Variants in DOK6 observed in about 807,000 individuals in gnomAD.
DOK6 encodes the protein docking protein 6.
Under a neutral mutation model 44.0 loss-of-function variants are expected in DOK6, and 22 were observed. That is an observed-to-expected ratio of 0.50 (90% confidence interval 0.36 to 0.71). The LOEUF (loss-of-function observed/expected upper bound fraction) is 0.71, where lower values mean the gene tolerates loss of function less well. DOK6 is among the 30% of genes least tolerant of loss of function. DOK6 has a pLI of 0.00. For missense variants in DOK6, 340 were observed against 416.4 expected (o/e 0.82, Z 1.60); for synonymous variants, 166 against 145.5 (o/e 1.14, Z -1.01).
At chr18:69,464,596 G>A (rs1979875724) in intron 1 of DOK6, among the ~76,000 whole-genome samples, 1 of 152,200 alleles carries the variant, frequency 6.6e-6, no homozygotes, top group Non-Finnish European at 1.5e-5. Flanking sequence ...CAAAATTAAT[G>A]AGGGAAAATA....
At chr18:69,646,644 C>A (rs1283955480) in intron 3 of DOK6, among the ~76,000 whole-genome samples, 1 of 152,100 alleles carries the variant, frequency 6.6e-6, no homozygotes. Context: ...AATTTTAATT[C>A]TGTTTACTTG....
chr18:69,673,224 C>CTG (rs1256045588), intron 3 of DOK6, among the ~76,000 whole-genome samples: 6 of 119,150 alleles, frequency 5.0e-5, no homozygotes, highest in Admixed American at 8.3e-5. Flanking sequence ...AGCATATTTT[C>CTG]TGTGTGTATA....
At chr18:69,659,298 C>T (rs1436203106) in intron 3 of DOK6, among the ~76,000 whole-genome samples, 1 of 152,212 alleles carries the variant, frequency 6.6e-6, no homozygotes, top group Non-Finnish European at 1.5e-5. Context: ...CTGCTGTGCA[C>T]GTCTACGTGT....
intron 2 of DOK6, among the ~76,000 whole-genome samples, chr18:69,599,028 A>G (rs568091172): frequency 9.9e-5 from 15 of 152,266 alleles, no homozygotes; most frequent in African/African-American, 3.6e-4. Flanking sequence ...GAGAGGAGAT[A>G]TTAAATACAA....
chr18:69,771,805 G>T (rs1187493187), intron 7 of DOK6, among the ~76,000 whole-genome samples: 1 of 151,430 alleles, frequency 6.6e-6, no homozygotes, highest in Non-Finnish European at 1.5e-5. Context: ...AAAGAAATTA[G>T]GTATTTTCCA....
chr18:69,594,464 CAG>C (rs1208787970), intron 2 of DOK6, among the ~76,000 whole-genome samples: 2 of 150,822 alleles, frequency 1.3e-5, no homozygotes, highest in Non-Finnish European at 1.5e-5. Context: ...ATATAAATAA[CAG>C]ATATATTAAA....
intron 7 of DOK6, among the ~76,000 whole-genome samples, chr18:69,800,495 A>C (rs1980872980): frequency 6.6e-6 from 1 of 152,196 alleles, no homozygotes; most frequent in Non-Finnish European, 1.5e-5. Context: ...TGTGTAATAC[A>C]ATTGCTTTAA....
At chr18:69,509,500 T>C (rs759610861) in intron 1 of DOK6, among the ~76,000 whole-genome samples, 108 of 151,214 alleles carry the variant, frequency 7.1e-4, no homozygotes, top group Non-Finnish European at 1.2e-3. Flanking sequence ...TAGCCGGGCG[T>C]GGTGGCGGGC....
chr18:69,625,188 G>A (rs1984530117), intron 3 of DOK6, among the ~76,000 whole-genome samples: 1 of 152,136 alleles, frequency 6.6e-6, no homozygotes, highest in African/African-American at 2.4e-5. Flanking sequence ...TAAGAATGCT[G>A]TAAACTCTTT....
intron 1 of DOK6, among the ~76,000 whole-genome samples, chr18:69,404,208 G>C (rs373344953): frequency 3.8e-4 from 58 of 152,228 alleles, no homozygotes; most frequent in Middle Eastern, 3.4e-3. Flanking sequence ...TTTTGAATGA[G>C]GGCAGTAAGG....
intron 1 of DOK6, among the ~76,000 whole-genome samples, chr18:69,558,799 C>T (rs986313583): frequency 2.6e-5 from 4 of 151,926 alleles, no homozygotes; most frequent in Non-Finnish European, 5.9e-5. Context: ...CAGAACAGGA[C>T]GAGAAAAATC....
chr18:69,780,553 C>T (rs1027302691), intron 7 of DOK6, among the ~76,000 whole-genome samples: 3 of 152,190 alleles, frequency 2.0e-5, no homozygotes, highest in African/African-American at 7.2e-5. Context: ...GATTGTGCCA[C>T]TGCACTCCAG....
intron 1 of DOK6, among the ~76,000 whole-genome samples, chr18:69,442,886 A>T (rs1289482406): frequency 6.6e-6 from 1 of 152,148 alleles, no homozygotes; most frequent in Non-Finnish European, 1.5e-5. Flanking sequence ...GGTGCATAAG[A>T]TTAGGGATCA....
Position 69,549,024 on chromosome 18 carries a change from T to A in DOK6, c.67-15463T>A, listed in dbSNP as rs570126188. Among the ~76,000 whole-genome samples, 1,051 of 148,354 alleles carry A rather than the reference T, an allele frequency of 7.1e-3. 45 individuals carry two copies. Among genetic ancestry groups the A allele is most frequent in the South Asian group, 0.018 (83 of 4,608 alleles). On this transcript the variant is annotated intron_variant, in intron 1 of 7. Transcript: ENST00000382713. ...GCAGGAGAATGGCGTGAACCCCGGG[T>A]GACGGAGCCTGCAGTGAGCCAAGAT...
intron 1 of DOK6, among the ~76,000 whole-genome samples, chr18:69,430,098 G>A (rs540451623): frequency 3.1e-4 from 47 of 152,210 alleles, no homozygotes; most frequent in African/African-American, 9.9e-4. Context: ...CTTTTAATCT[G>A]TAGAGGGACA....
chr18:69,631,893 A>G (rs1269929926), intron 3 of DOK6, among the ~76,000 whole-genome samples: 3 of 152,136 alleles, frequency 2.0e-5, no homozygotes, highest in Admixed American at 6.6e-5. Context: ...TTCATCTCCA[A>G]TTCTTTTTAT....
At chr18:69,814,859 G>A (rs145737673) in intron 7 of DOK6, among the ~76,000 whole-genome samples, 5,672 of 152,164 alleles carry the variant, frequency 0.037, 313 homozygotes, top group African/African-American at 0.12. Context: ...AATTCAAGAT[G>A]AGATTTGGGT....
rs748399550 is a variant in DOK6, at chr18:69,847,104, C to T, written c.*5721C>T. The T allele has an allele frequency of 2.2e-4, 33 of 151,822 alleles. No individual in the cohort carries two copies. Among genetic ancestry groups the T allele is most frequent in the Admixed American group, 7.9e-4 (12 of 15,246 alleles). 9.4% of individuals were successfully genotyped at this position (151,822 alleles called of 1,614,324 possible). ...AAATACATTTGTAGTAGAAATATTC[C>T]CTCTAACAATTCTGTTTAACTAGTA... On this transcript the variant is annotated 3_prime_UTR_variant, in exon 8 of 8. Coordinates refer to ENST00000382713, the MANE Select transcript of DOK6 (RefSeq NM_152721.6).
intron 4 of DOK6, among the ~76,000 whole-genome samples, chr18:69,690,609 G>C (rs1157614453): frequency 6.6e-6 from 1 of 152,064 alleles, no homozygotes; most frequent in African/African-American, 2.4e-5. Flanking sequence ...TGTAATATCT[G>C]GCTCTATTTA....
Sources: allele counts gnomAD v4.1 joint callset (sites outside exome capture counted in the v4.1 genomes callset), GRCh38; gene constraint gnomAD v4.1.1; transcripts MANE v1.5; gene names NCBI Gene and HGNC (gene_info 2026-07-23, HGNC 2026-07-21).